ADAMTS19: variants seen among roughly 807,000 people sequenced by gnomAD.
ADAMTS19 encodes the protein A disintegrin and metalloproteinase with thrombospondin motifs 19.
Under a neutral mutation model 153.3 loss-of-function variants are expected in ADAMTS19, and 93 were observed. The ratio of observed to expected loss-of-function variants is 0.61; its 90% confidence interval spans 0.51 to 0.72. The LOEUF (loss-of-function observed/expected upper bound fraction) is 0.72, where lower values mean the gene tolerates loss of function less well. ADAMTS19 is among the 30% of genes least tolerant of loss of function. ADAMTS19 has a pLI of 0.00. For synonymous variants in ADAMTS19, 600 were observed against 556.6 expected (o/e 1.08, Z -1.10); for missense variants, 1,482 against 1,552.1 (o/e 0.95, Z 0.76).
In ADAMTS19 at chr5:129,694,747, C is replaced by A. The variant is rs1340129386; in HGVS notation, c.2846C>A (p.Thr949Lys). 2.5e-5 allele frequency: 40 copies of A among 1,603,718 alleles called. No individual in the cohort carries two copies. The highest frequency in any genetic ancestry group is 3.3e-5 in the Non-Finnish European group (39 of 1,174,868). The change falls in exon 19 of 23, where the codon ACA (threonine) becomes AAA (lysine). Residue 949 changes from threonine (T) to lysine (K), a missense_variant. By Grantham distance (78) the Thr-to-Lys change is moderately conservative (BLOSUM62 -1). Around this residue, in one of 2 missense-constraint regions of ADAMTS19, gnomAD observed 616 missense variants for 724.4 expected, o/e 0.85. Coordinates refer to ENST00000274487, the MANE Select transcript of ADAMTS19 (RefSeq NM_133638.6). ...GAAAGGAAGACAACAGTGTCCTGCACAAAAATCATGAGCAAAAATATCAGC... is the reference window on the plus strand; with the variant it reads ...GAAAGGAAGACAACAGTGTCCTGCAAAAAAATCATGAGCAAAAATATCAGC... Reference protein sequence around the residue: ...GGERKTTVSCTKIMSKNISIV... With the variant: ...GGERKTTVSCKKIMSKNISIV...
chr5:129,723,668 T>C (rs1757093651), intron 21 of ADAMTS19, among the ~76,000 whole-genome samples: 1 of 152,190 alleles, frequency 6.6e-6, no homozygotes, highest in African/African-American at 2.4e-5. Context: ...TATTTCATTA[T>C]AAAAGAAATA....
intron 7 of ADAMTS19, among the ~76,000 whole-genome samples, chr5:129,588,768 A>G (rs553962048): frequency 2.7e-4 from 41 of 151,952 alleles, no homozygotes; most frequent in African/African-American, 9.9e-4. Flanking sequence ...TGTATTAATT[A>G]TTAAGCTTTA....
At chr5:129,610,296 CTTT>C (rs1405517081) in intron 8 of ADAMTS19, among the ~76,000 whole-genome samples, 1 of 151,706 alleles carries the variant, frequency 6.6e-6, no homozygotes, top group Non-Finnish European at 1.5e-5. Flanking sequence ...TTTATATATT[CTTT>C]TTTATCATAC....
intron 10 of ADAMTS19, among the ~76,000 whole-genome samples, chr5:129,636,277 TCA>T (rs1440183242): frequency 2.0e-5 from 3 of 152,176 alleles, no homozygotes; most frequent in African/African-American, 7.2e-5. Flanking sequence ...TGTATTCTGT[TCA>T]CAGTTTATAG....
intron 3 of ADAMTS19, among the ~76,000 whole-genome samples, chr5:129,521,710 C>T (rs2126750157): frequency 6.6e-6 from 1 of 152,096 alleles, no homozygotes; most frequent in South Asian, 2.1e-4. Flanking sequence ...AAAGGGTGAC[C>T]CAAAAGTTTT....
chr5:129,641,510 T>C (rs1035093850), intron 10 of ADAMTS19, among the ~76,000 whole-genome samples: 1 of 152,324 alleles, frequency 6.6e-6, no homozygotes, highest in East Asian at 1.9e-4. Context: ...CAAACACTTA[T>C]TCTTCCAGCC....
intron 13 of ADAMTS19, among the ~76,000 whole-genome samples, chr5:129,649,839 A>T (rs1420073515): frequency 2.0e-5 from 3 of 152,210 alleles, no homozygotes; most frequent in Non-Finnish European, 2.9e-5. Context: ...ATATTTAATT[A>T]TTTCAAAATA....
At chr5:129,535,102 T>C (rs1406991675) in intron 6 of ADAMTS19, among the ~76,000 whole-genome samples, 1 of 152,072 alleles carries the variant, frequency 6.6e-6, no homozygotes, top group Non-Finnish European at 1.5e-5. Context: ...GGCATTCAAT[T>C]AGGAAAAGAG....
intron 21 of ADAMTS19, among the ~76,000 whole-genome samples, chr5:129,729,688 C>G (rs1387826819): frequency 6.6e-6 from 1 of 151,982 alleles, no homozygotes; most frequent in Non-Finnish European, 1.5e-5. Flanking sequence ...CAACTAACAT[C>G]TTTTCTTAGA....
intron 7 of ADAMTS19, among the ~76,000 whole-genome samples, chr5:129,594,819 T>A (rs2126916291): frequency 6.6e-6 from 1 of 152,176 alleles, no homozygotes; most frequent in Non-Finnish European, 1.5e-5. Flanking sequence ...TCCCTCTCTG[T>A]GTATCCTTAC....
intron 6 of ADAMTS19, among the ~76,000 whole-genome samples, chr5:129,530,304 G>A (rs945020026): frequency 2.0e-5 from 3 of 152,136 alleles, no homozygotes; most frequent in Non-Finnish European, 2.9e-5. Context: ...TGGAGTCTCC[G>A]AAGGAGAGAG....
intron 18 of ADAMTS19, among the ~76,000 whole-genome samples, chr5:129,684,759 G>A (rs898672087): frequency 9.2e-5 from 14 of 151,906 alleles, no homozygotes; most frequent in African/African-American, 3.4e-4. Context: ...AGGCCGAGGC[G>A]GGCAGATCAC....
intron 8 of ADAMTS19, among the ~76,000 whole-genome samples, chr5:129,605,603 CA>C (rs2126939565): frequency 6.6e-6 from 1 of 152,250 alleles, no homozygotes; most frequent in Non-Finnish European, 1.5e-5. Context: ...CATAAAACTT[CA>C]AAATGTAACT....
intron 10 of ADAMTS19, among the ~76,000 whole-genome samples, chr5:129,637,775 G>A (rs1376198763): frequency 3.3e-5 from 5 of 152,162 alleles, no homozygotes; most frequent in Non-Finnish European, 5.9e-5. Flanking sequence ...AACCCGGGAG[G>A]TGAAGGTTGC....
intron 6 of ADAMTS19, among the ~76,000 whole-genome samples, chr5:129,546,833 GC>G (rs1315737054): frequency 1.3e-5 from 2 of 151,022 alleles, no homozygotes; most frequent in Non-Finnish European, 2.9e-5. Flanking sequence ...TGCTACATAA[GC>G]CCTGATGGTT....
At chr5:129,684,332 T>G (rs1213970448) in intron 18 of ADAMTS19, 59 bp downstream of exon 18, 8 of 1,578,552 alleles carry the variant, frequency 5.1e-6, no homozygotes, top group Non-Finnish European at 6.9e-6. Flanking sequence ...GATTAAGCAT[T>G]GATAATTAAG....
intron 21 of ADAMTS19, among the ~76,000 whole-genome samples, chr5:129,710,637 T>G (rs1756407943): frequency 6.6e-6 from 1 of 152,156 alleles, no homozygotes; most frequent in South Asian, 2.1e-4. Flanking sequence ...ACCTTTACAC[T>G]GCCTTCTATT....
chr5:129,583,628 T>G (rs1443797055), intron 7 of ADAMTS19, among the ~76,000 whole-genome samples: 1 of 151,934 alleles, frequency 6.6e-6, no homozygotes, highest in South Asian at 2.1e-4. Flanking sequence ...CCTTTTTCTC[T>G]AATCTTGTCT....
rs897443261 is a variant in ADAMTS19 at position 129,461,464 on chromosome 5, C to A, written c.454C>A (p.Pro152Thr). ...GGCCTCGTGGCAGCCGCCGCCTCCCCCGCAGCCGCCCCCGTCCCCGCCCCC... is the reference window on the plus strand; with the variant it reads ...GGCCTCGTGGCAGCCGCCGCCTCCCACGCAGCCGCCCCCGTCCCCGCCCCC... ...APASWQPPPP[P>T]QPPPSPPPAQ... The change falls in exon 2 of 23, where the codon CCG becomes ACG. Residue 152 changes from proline (P) to threonine (T), a missense_variant. Physicochemically the swap from Pro to Thr is conservative, Grantham distance 38 (BLOSUM62 -1). Around this residue, in one of 2 missense-constraint regions of ADAMTS19, gnomAD observed 866 missense variants for 827.7 expected, o/e 1.05. Transcript: ENST00000274487. This position sits in a 1 kb window ranked among gnomAD's most constrained non-coding sequence, Gnocchi z 4.6. The A allele has an allele frequency of 6.8e-6, 10 of 1,461,602 alleles. No homozygotes were observed. Among genetic ancestry groups the A allele is most frequent in the African/African-American group, 1.5e-5 (1 of 67,608 alleles). The allele number at this position is 1,461,602 out of a possible 1,614,324, so 90.5% of individuals were successfully genotyped here. A position where few individuals can be genotyped will look rare whatever the true frequency, so the allele number is the denominator to read the frequency against.
Sources: allele counts gnomAD v4.1 joint callset (sites outside exome capture counted in the v4.1 genomes callset), GRCh38; gene constraint gnomAD v4.1.1; regional missense constraint gnomAD v4.1.1; non-coding constraint Gnocchi (gnomAD v3.1); transcripts MANE v1.5; gene names NCBI Gene and HGNC (gene_info 2026-07-23, HGNC 2026-07-21).